The following NRP1 variants were observed in gnomAD, a reference collection of about 807,000 sequenced individuals.
The protein encoded by NRP1 is neuropilin 1.
In NRP1, 35 loss-of-function variants were observed where a neutral mutation model predicts 106.7. That is an observed-to-expected ratio of 0.33 (90% CI 0.25 to 0.43). The LOEUF is 0.43. NRP1 is among the 20% of genes least tolerant of loss of function. The pLI, the probability that NRP1 is intolerant of heterozygous loss-of-function variation, is 1.00. For synonymous variants in NRP1, 437 were observed against 417.9 expected (o/e 1.05, Z -0.56); for missense variants, 1,024 against 1,170.4 (o/e 0.87, Z 1.83).
chr10:33,318,640 CA>C (rs1330442702), intron 2 of NRP1, among the ~76,000 whole-genome samples: 1 of 151,830 alleles, frequency 6.6e-6, no homozygotes, highest in Non-Finnish European at 1.5e-5. Flanking sequence ...ATGACAATTC[CA>C]ATCAGTAGTA....
At chr10:33,202,552 T>C (rs11009286) in intron 11 of NRP1, 305,689 of 1,270,820 alleles carry the variant, frequency 0.24, 40,121 homozygotes, top group East Asian at 0.59. Flanking sequence ...TACGTAGGGG[T>C]GGTGCACGTG....
intron 13 of NRP1, among the ~76,000 whole-genome samples, chr10:33,188,517 G>T (rs1836173771): frequency 1.3e-5 from 2 of 152,068 alleles, no homozygotes; most frequent in Non-Finnish European, 2.9e-5. Flanking sequence ...AGAGATGCCA[G>T]ATTTCAAGAA....
In NRP1 at chr10:33,221,746, A is replaced by G. The variant is rs1430431200; in HGVS notation, c.1255T>C (p.Phe419Leu). Reference sequence around the variant, plus strand: ...GTTATCTTGCAACCGTATACTTCAAATCTCATAGATATGCCAGTTTCCCAA... The same window carrying G: ...GTTATCTTGCAACCGTATACTTCAAGTCTCATAGATATGCCAGTTTCCCAA... The part of the protein sequence containing the change: ...ATWETGISMR[F>L]EVYGCKITDY... Residue 419 changes from phenylalanine to leucine, a missense_variant, in exon 8 of 17, where the codon TTT (phenylalanine) becomes CTT (leucine). Around this residue, in one of 5 missense-constraint regions of NRP1, gnomAD observed 562 missense variants for 620.3 expected, o/e 0.91. Coordinates refer to ENST00000374867, the MANE Select transcript of NRP1 (RefSeq NM_003873.7). 3 of 1,614,002 alleles carry G rather than the reference A, an allele frequency of 1.9e-6. No homozygotes were observed. Among genetic ancestry groups the G allele is most frequent in the African/African-American group, 1.3e-5 (1 of 74,926 alleles).
chr10:33,319,971 G>A (rs879176108), intron 2 of NRP1, among the ~76,000 whole-genome samples: 5 of 151,754 alleles, frequency 3.3e-5, no homozygotes, highest in East Asian at 2.0e-4. Context: ...CGAACCCACC[G>A]GAAGGAATAA....
chr10:33,263,862 A>T lies in NRP1; in HGVS notation c.442T>A (p.Ser148Thr). 2 of 1,607,992 alleles carry T rather than the reference A, an allele frequency of 1.2e-6. No individual in the cohort carries two copies. Among genetic ancestry groups the T allele is most frequent in the Non-Finnish European group, 8.5e-7 (1 of 1,174,502 alleles). The change falls in exon 4 of 17, where the codon TCC becomes ACC. Residue 148 changes from serine (S) to threonine (T), a missense_variant. By Grantham distance (58) the Ser-to-Thr change is moderately conservative (BLOSUM62 1). Transcript: ENST00000374867. ...CCACTAGGTGTTGTGTAGTTCTGGGAACATTCAGGACCTATGAGTAGAAGA... is the reference window on the plus strand; with the variant it reads ...CCACTAGGTGTTGTGTAGTTCTGGGTACATTCAGGACCTATGAGTAGAAGA... ...YEIFKRGPEC[S>T]QNYTTPSGVI... is the part of the protein sequence containing the mutation.
intron 7 of NRP1, among the ~76,000 whole-genome samples, chr10:33,224,182 G>A (rs1168540116): frequency 1.3e-5 from 2 of 152,136 alleles, no homozygotes; most frequent in South Asian, 4.1e-4. Context: ...AAAGTGCTCA[G>A]AACAGATGCC....
At chr10:33,204,399 T>G (rs1484876267) in intron 10 of NRP1, among the ~76,000 whole-genome samples, 1 of 152,200 alleles carries the variant, frequency 6.6e-6, no homozygotes, top group Non-Finnish European at 1.5e-5. Flanking sequence ...CAATCCAGAC[T>G]TTTTTACAAA....
intron 2 of NRP1, among the ~76,000 whole-genome samples, chr10:33,327,733 C>G (rs544319180): frequency 6.6e-6 from 1 of 151,996 alleles, no homozygotes; most frequent in African/African-American, 2.4e-5. Context: ...AAAGCCTTCA[C>G]AAAAGGAGGT....
At chr10:33,296,983 C>T (rs1845431732) in intron 2 of NRP1, among the ~76,000 whole-genome samples, 2 of 150,848 alleles carry the variant, frequency 1.3e-5, no homozygotes, top group Admixed American at 6.6e-5. Flanking sequence ...CAGCCAAGAT[C>T]GTGCCAAAAG....
intron 6 of NRP1, among the ~76,000 whole-genome samples, chr10:33,234,964 A>C (rs1236452219): frequency 6.6e-6 from 1 of 152,158 alleles, no homozygotes; most frequent in African/African-American, 2.4e-5. Flanking sequence ...AAAGAACAAC[A>C]AGAAAATGAG....
At chr10:33,207,845 G>GTA (rs1837928557) in intron 9 of NRP1, 129 bp from the exon 10 acceptor site, 1 of 840,196 alleles carries the variant, frequency 1.2e-6, no homozygotes, top group Admixed American at 2.6e-5. Flanking sequence ...CCACTTTGTG[G>GTA]TACATCTCTT....
At chr10:33,230,548 T>G (rs1840030560) in intron 6 of NRP1, among the ~76,000 whole-genome samples, 1 of 152,050 alleles carries the variant, frequency 6.6e-6, no homozygotes, top group Non-Finnish European at 1.5e-5. Context: ...AAAATTTGCA[T>G]AAACACATCT....
chr10:33,324,405 GA>G (rs1020468963), intron 2 of NRP1, among the ~76,000 whole-genome samples: 1 of 152,010 alleles, frequency 6.6e-6, no homozygotes, highest in East Asian at 1.9e-4. Context: ...AAAAGATGAA[GA>G]AAAATACGGC....
intron 11 of NRP1, chr10:33,202,568 G>GT (rs1182782737): frequency 8.9e-7 from 1 of 1,120,894 alleles, no homozygotes; most frequent in African/African-American, 2.3e-5. Context: ...ACGTGTTATT[G>GT]GGGGGGGGTC....
chr10:33,299,072 A>G (rs1375945994), intron 2 of NRP1, among the ~76,000 whole-genome samples: 4 of 152,294 alleles, frequency 2.6e-5, no homozygotes, highest in East Asian at 1.9e-4. Flanking sequence ...CCACTTGGTC[A>G]CTGAGATAAA....
At chr10:33,230,775 TTTTCA>T (rs1486096023) in intron 6 of NRP1, among the ~76,000 whole-genome samples, 2 of 152,182 alleles carry the variant, frequency 1.3e-5, no homozygotes, top group African/African-American at 4.8e-5. Context: ...TTTCTTTGGT[TTTTCA>T]TTTCTTTTCT....
chr10:33,217,717 T>C (rs745319707), intron 8 of NRP1, among the ~76,000 whole-genome samples: 1 of 152,222 alleles, frequency 6.6e-6, no homozygotes, highest in Non-Finnish European at 1.5e-5. Flanking sequence ...AATTATGTCT[T>C]GTTTGTCTGC....
chr10:33,177,861 TAA>T lies in NRP1; in HGVS notation c.*2213_*2214del, dbSNP rs1835467410. 6.6e-6 allele frequency: 1 copy of T among 152,602 alleles called. No individual in the cohort carries two copies. The highest frequency in any genetic ancestry group is 2.1e-4 in the South Asian group (1 of 4,834). 9.5% of individuals were successfully genotyped at this position (152,602 alleles called of 1,614,324 possible). Reference sequence around the variant, plus strand: ...AATTACAAAACAATCTAAAACAATATAAACTGAACATTTTGTAACACTGCCTT... The same window carrying T: ...AATTACAAAACAATCTAAAACAATATACTGAACATTTTGTAACACTGCCTT... On this transcript the variant is annotated 3_prime_UTR_variant, in exon 17 of 17. Transcript: ENST00000374867.
At chr10:33,197,063 T>G (rs546154401) in intron 12 of NRP1, among the ~76,000 whole-genome samples, 17 of 152,320 alleles carry the variant, frequency 1.1e-4, no homozygotes, top group African/African-American at 4.1e-4. Flanking sequence ...TAACCGTGAC[T>G]GGCCCCTGAT....
Sources: allele counts gnomAD v4.1 joint callset (sites outside exome capture counted in the v4.1 genomes callset), GRCh38; gene constraint gnomAD v4.1.1; regional missense constraint gnomAD v4.1.1; transcripts MANE v1.5; gene names NCBI Gene and HGNC (gene_info 2026-07-23, HGNC 2026-07-21).